Variants in NAPEPLD observed in about 807,000 individuals in gnomAD.
NAPEPLD encodes the protein N-acyl phosphatidylethanolamine phospholipase D.
In NAPEPLD, 23 loss-of-function variants were observed where a neutral mutation model predicts 38.1. That is an observed-to-expected ratio of 0.60 (90% confidence interval 0.43 to 0.86). The LOEUF is 0.86. NAPEPLD is among the 40% of genes least tolerant of loss of function. The probability of loss-of-function intolerance (pLI) is 0.00; values close to 1 mark genes in which losing one functional copy is unlikely to be tolerated. For synonymous variants in NAPEPLD, 147 were observed against 162.0 expected (o/e 0.91, Z 0.71); for missense variants, 411 against 476.8 (o/e 0.86, Z 1.28).
chr7:103,120,256 A>G (rs1585853818), intron 2 of NAPEPLD, 33 bp from the exon 3 acceptor site: 1 of 1,573,324 alleles, frequency 6.4e-7, no homozygotes, highest in Non-Finnish European at 8.6e-7. Flanking sequence ...ACAAAAGAGT[A>G]GTTAGAAAAA....
intron 2 of NAPEPLD, among the ~76,000 whole-genome samples, chr7:103,126,165 T>A (rs1807755050): frequency 6.6e-6 from 1 of 151,960 alleles, no homozygotes; most frequent in South Asian, 2.1e-4. Flanking sequence ...CCTATCAAGG[T>A]TTGCATGCTT....
At chr7:103,146,354 A>C (rs1046135612) in intron 1 of NAPEPLD, among the ~76,000 whole-genome samples, 2 of 152,200 alleles carry the variant, frequency 1.3e-5, no homozygotes, top group African/African-American at 4.8e-5. Context: ...CAAAAAAAAA[A>C]AAAAAGATGT....
intron 2 of NAPEPLD, 36 bp from the exon 3 acceptor site, chr7:103,120,259 T>G (rs370061882): frequency 9.0e-6 from 14 of 1,564,236 alleles, no homozygotes; most frequent in Non-Finnish European, 1.2e-5. Context: ...AAAGAGTAGT[T>G]AGAAAAAAAA....
intron 3 of NAPEPLD, among the ~76,000 whole-genome samples, chr7:103,118,087 G>C (rs956781975): frequency 6.6e-6 from 1 of 152,202 alleles, no homozygotes; most frequent in Non-Finnish European, 1.5e-5. Flanking sequence ...TACTTGGGAG[G>C]TTGAGGCAGG....
chr7:103,116,221 C>T (rs1241685739), intron 3 of NAPEPLD, among the ~76,000 whole-genome samples: 1 of 152,088 alleles, frequency 6.6e-6, no homozygotes, highest in Non-Finnish European at 1.5e-5. Flanking sequence ...ACCACCTCTC[C>T]CGGCTAATTT....
chr7:103,122,082 C>T (rs1245405518), intron 2 of NAPEPLD, among the ~76,000 whole-genome samples: 1 of 151,228 alleles, frequency 6.6e-6, no homozygotes, highest in African/African-American at 2.4e-5. Context: ...ATGCTTCACT[C>T]TAAGACAATG....
chr7:103,109,850 G>T (rs1804162315), intron 4 of NAPEPLD, among the ~76,000 whole-genome samples: 2 of 152,024 alleles, frequency 1.3e-5, no homozygotes, highest in South Asian at 4.2e-4. Flanking sequence ...AAAGAGAGAA[G>T]AATCAAATTG....
At chr7:103,114,299 G>A (rs1028450181) in intron 4 of NAPEPLD, among the ~76,000 whole-genome samples, 1 of 152,160 alleles carries the variant, frequency 6.6e-6, no homozygotes, top group African/African-American at 2.4e-5. Context: ...CAGGCTAGTG[G>A]CAGAGTTCTA....
At chr7:103,149,869 T>TA (rs1215504738), upstream of NAPEPLD, among the ~76,000 whole-genome samples, 15 of 152,212 alleles carry the variant, frequency 9.9e-5, no homozygotes, top group Non-Finnish European at 2.2e-4. Context: ...TTTGAATACT[T>TA]ACAGCCTATG....
chr7:103,109,115 C>T (rs1803990322), intron 4 of NAPEPLD, among the ~76,000 whole-genome samples: 1 of 152,136 alleles, frequency 6.6e-6, no homozygotes, highest in Non-Finnish European at 1.5e-5. Flanking sequence ...TACAAAGAGA[C>T]TTAGACTCCC....
At chr7:103,127,844 CAACTT>C (rs1460524621) in intron 2 of NAPEPLD, 2 of 152,354 alleles carry the variant, frequency 1.3e-5, no homozygotes, top group East Asian at 3.9e-4. Flanking sequence ...ACCATGAAAT[CAACTT>C]AACCCAAAAC....
intron 4 of NAPEPLD, among the ~76,000 whole-genome samples, chr7:103,105,552 T>C (rs1803137405): frequency 6.6e-6 from 1 of 152,218 alleles, no homozygotes; most frequent in South Asian, 2.1e-4. Flanking sequence ...ATATATGCAA[T>C]TTTAGAGTAT....
At chr7:103,137,170 C>T (rs1810246999) in intron 1 of NAPEPLD, among the ~76,000 whole-genome samples, 1 of 152,224 alleles carries the variant, frequency 6.6e-6, no homozygotes, top group Non-Finnish European at 1.5e-5. Flanking sequence ...AACTCCTGAC[C>T]TCGTGATCTG....
At chr7:103,103,649 C>T in intron 4 of NAPEPLD, 95 bp from the exon 5 acceptor site, 1 of 1,312,838 alleles carries the variant, frequency 7.6e-7, no homozygotes, top group African/African-American at 1.5e-5. Flanking sequence ...CCAACAGATG[C>T]CTAGTTAGAA....
At chr7:103,112,777 A>G (rs895625869) in intron 4 of NAPEPLD, among the ~76,000 whole-genome samples, 1 of 152,132 alleles carries the variant, frequency 6.6e-6, no homozygotes, top group Non-Finnish European at 1.5e-5. Flanking sequence ...GTAAAGGGTA[A>G]CATATCCTCT....
Position 103,102,505 on chromosome 7 carries a change from CTT to C in NAPEPLD, c.*922_*923del, listed in dbSNP as rs1389517594. ...TACACACCACCTCACCCGGCTTTTTCTTTTTTCTTTTTTTTTTTCCGAGAGAG... is the reference window on the plus strand; with the variant it reads ...TACACACCACCTCACCCGGCTTTTTCTTTTCTTTTTTTTTTTCCGAGAGAG... On this transcript the variant is annotated 3_prime_UTR_variant, in exon 5 of 5. Transcript: ENST00000465647. The C allele has an allele frequency of 6.6e-6, 1 of 151,732 alleles. No homozygotes were observed. The highest frequency in any genetic ancestry group is 3.2e-3 in the Middle Eastern group (1 of 316). 9.4% of individuals were successfully genotyped at this position (151,732 alleles called of 1,614,324 possible).
At chr7:103,123,545 C>T (rs899144048) in intron 2 of NAPEPLD, among the ~76,000 whole-genome samples, 40 of 152,210 alleles carry the variant, frequency 2.6e-4, no homozygotes, top group African/African-American at 8.9e-4. Flanking sequence ...CCTAATGTAT[C>T]AAGTACTTTA....
At chr7:103,148,638 CTCT>C (rs1293877195) in intron 1 of NAPEPLD, among the ~76,000 whole-genome samples, 170 bp downstream of exon 1, 3 of 149,780 alleles carry the variant, frequency 2.0e-5, no homozygotes, top group South Asian at 4.2e-4. Flanking sequence ...TTTTTTTTTG[CTCT>C]TCATTTCCAT....
At chr7:103,139,078 A>G (rs1810676856) in intron 1 of NAPEPLD, among the ~76,000 whole-genome samples, 1 of 152,244 alleles carries the variant, frequency 6.6e-6, no homozygotes, top group Admixed American at 6.5e-5. Flanking sequence ...ACTGGAAGAA[A>G]GTGCAATTTC....
Sources: gnomAD v4.1 joint callset for allele counts (sites outside exome capture counted in the v4.1 genomes callset) on GRCh38, gnomAD v4.1.1 for gene constraint, MANE v1.5 for transcripts, NCBI Gene and HGNC (gene_info 2026-07-23, HGNC 2026-07-21) for gene names.